SERGEF: variants seen among roughly 807,000 people sequenced by gnomAD.
The protein encoded by SERGEF is secretion-regulating guanine nucleotide exchange factor.
A neutral mutation model predicts 50.0 loss-of-function variants in SERGEF; 51 were observed. The observed-to-expected ratio is 1.02, with a 90% CI of 0.81 to 1.29. The LOEUF is 1.29. SERGEF is among the 50% of genes most tolerant of loss of function. The probability of loss-of-function intolerance (pLI) is 0.00; values close to 1 mark genes in which losing one functional copy is unlikely to be tolerated. For synonymous variants in SERGEF, 205 were observed against 212.4 expected, an observed-to-expected ratio of 0.97 and a Z score of 0.30; for missense variants, 521 against 557.0, an observed-to-expected ratio of 0.94 and a Z score of 0.65.
intron 8 of SERGEF, among the ~76,000 whole-genome samples, chr11:17,983,773 C>T (rs1208837438): frequency 6.8e-6 from 1 of 146,320 alleles, no homozygotes; most frequent in African/African-American, 2.5e-5. Context: ...AATGACTAGT[C>T]AGCAATGTCA....
chr11:17,911,377 T>A (rs1482778967), intron 9 of SERGEF, among the ~76,000 whole-genome samples: 2 of 147,340 alleles, frequency 1.4e-5, no homozygotes, highest in African/African-American at 4.9e-5. Flanking sequence ...AAAATATATA[T>A]AAAATATATA....
intron 9 of SERGEF, among the ~76,000 whole-genome samples, chr11:17,943,912 T>G (rs1236112798): frequency 6.6e-6 from 1 of 152,046 alleles, no homozygotes; most frequent in Non-Finnish European, 1.5e-5. Context: ...TCCCCTTCCC[T>G]CTATTTGTTT....
intron 8 of SERGEF, among the ~76,000 whole-genome samples, chr11:17,968,588 T>C (rs1486583923): frequency 6.6e-6 from 1 of 151,924 alleles, no homozygotes; most frequent in Non-Finnish European, 1.5e-5. Context: ...CCTGTAGTCC[T>C]AGCTATTCCA....
At chr11:17,867,348 C>A in intron 10 of SERGEF, among the ~76,000 whole-genome samples, 1 of 152,240 alleles carries the variant, frequency 6.6e-6, no homozygotes, top group Non-Finnish European at 1.5e-5. Flanking sequence ...AGTCCAAAAT[C>A]CAGTAGCGTA....
chr11:17,915,436 T>C (rs1280516753), intron 9 of SERGEF, among the ~76,000 whole-genome samples: 1 of 152,164 alleles, frequency 6.6e-6, no homozygotes, highest in East Asian at 1.9e-4. Context: ...TGGCCCAAGG[T>C]CACAGAAGAA....
intron 10 of SERGEF, among the ~76,000 whole-genome samples, chr11:17,832,686 T>C (rs1008752967): frequency 6.6e-6 from 1 of 152,158 alleles, no homozygotes; most frequent in African/African-American, 2.4e-5. Flanking sequence ...ATGCTGATAA[T>C]GATATGGACA....
intron 10 of SERGEF, among the ~76,000 whole-genome samples, chr11:17,870,087 G>C (rs1228810193): frequency 6.6e-6 from 1 of 152,094 alleles, no homozygotes; most frequent in Admixed American, 6.5e-5. Context: ...TTTATAAGGG[G>C]CTCTTCCCCA....
At position 17,959,535 on chromosome 11, in the gene SERGEF, G is replaced by T. The variant is rs1440398547; in HGVS notation, c.946C>A (p.Leu316Ile). 1 of 1,613,892 alleles carries T rather than the reference G, an allele frequency of 6.2e-7. No homozygotes were observed. The highest frequency in any genetic ancestry group is 2.2e-5 in the East Asian group (1 of 44,888). The change falls in exon 9 of 11, where the codon CTC becomes ATC. Residue 316 changes from leucine to isoleucine, a missense_variant. Transcript: ENST00000265965. ...GWKLEKQDSFLPCSRPPNSMP... is the reference protein window; with the variant it reads ...GWKLEKQDSFIPCSRPPNSMP... The stretch of plus-strand genomic sequence containing the variant: ...CTGTTCGGTGGTCTTGAACAGGGGA[G>T]AAATGAATCTTGCTTTTCTAGTTTC...
At chr11:17,950,034 G>C (rs950955489) in intron 9 of SERGEF, among the ~76,000 whole-genome samples, 1 of 152,208 alleles carries the variant, frequency 6.6e-6, no homozygotes, top group Non-Finnish European at 1.5e-5. Flanking sequence ...GCAGAATACA[G>C]GGAGAGACTG....
chr11:17,861,931 T>A (rs893226439), intron 10 of SERGEF, among the ~76,000 whole-genome samples: 3 of 152,260 alleles, frequency 2.0e-5, no homozygotes, highest in Admixed American at 2.0e-4. Flanking sequence ...CCTCCCAGGT[T>A]TCTCTGTTGA....
intron 10 of SERGEF, among the ~76,000 whole-genome samples, chr11:17,848,314 T>C (rs928505366): frequency 3.7e-4 from 56 of 152,192 alleles, no homozygotes; most frequent in Admixed American, 1.2e-3. Context: ...GAAGAGCAGA[T>C]ATTCATGGCG....
intron 8 of SERGEF, among the ~76,000 whole-genome samples, chr11:17,975,233 T>C (rs1853345421): frequency 6.6e-6 from 1 of 152,222 alleles, no homozygotes; most frequent in Non-Finnish European, 1.5e-5. Context: ...TCTCTTCGGT[T>C]TCCTCATGTG....
At chr11:17,824,588 T>G (rs918671457) in intron 10 of SERGEF, among the ~76,000 whole-genome samples, 1 of 152,182 alleles carries the variant, frequency 6.6e-6, no homozygotes, top group African/African-American at 2.4e-5. Flanking sequence ...ATTAATTTTC[T>G]CACAGTTCTA....
intron 9 of SERGEF, 149 bp from the exon 10 acceptor site, chr11:17,878,393 T>G: frequency 1.6e-6 from 1 of 611,922 alleles, no homozygotes; most frequent in Non-Finnish European, 2.9e-6. Context: ...AAAGTTAAGA[T>G]TATAATTACA....
chr11:17,900,878 A>G (rs1851737098), intron 9 of SERGEF, among the ~76,000 whole-genome samples: 1 of 152,220 alleles, frequency 6.6e-6, no homozygotes, highest in African/African-American at 2.4e-5. Context: ...AAAGGAGCCA[A>G]AAGTTTGCTT....
intron 10 of SERGEF, among the ~76,000 whole-genome samples, chr11:17,823,602 G>A (rs905611627): frequency 1.8e-4 from 28 of 152,154 alleles, no homozygotes; most frequent in Non-Finnish European, 2.2e-4. Context: ...AAGAGAAGGC[G>A]GGGAGGGTGG....
chr11:17,885,922 C>T (rs115029409), intron 9 of SERGEF, among the ~76,000 whole-genome samples: 2,894 of 152,304 alleles, frequency 0.019, 111 homozygotes, highest in African/African-American at 0.066. Context: ...ATTCTCACCA[C>T]TTGCCTTGGC....
At position 17,884,265 on chromosome 11, in the gene SERGEF, G is replaced by A. The variant is rs117449214; in HGVS notation, c.1012-6021C>T. On this transcript the variant is annotated intron_variant, in intron 9 of 10. Coordinates refer to ENST00000265965, the MANE Select transcript of SERGEF (RefSeq NM_012139.4). This position sits in a 1 kb window ranked among gnomAD's most constrained non-coding sequence, Gnocchi z 4.6. ...GGAGTAACGGGGTTTAGGTTGGTACGGTACTGGGTTATGCTCTGTGCCGCA... is the reference window on the plus strand; with the variant it reads ...GGAGTAACGGGGTTTAGGTTGGTACAGTACTGGGTTATGCTCTGTGCCGCA... 1.3e-5 allele frequency among the ~76,000 whole-genome samples: 2 copies of A among 152,344 alleles called. No homozygotes were observed. Among genetic ancestry groups the A allele is most frequent in the East Asian group, 3.9e-4 (2 of 5,182 alleles).
chr11:17,976,741 G>A (rs1390011076), intron 8 of SERGEF, among the ~76,000 whole-genome samples: 3 of 152,184 alleles, frequency 2.0e-5, no homozygotes, highest in African/African-American at 7.2e-5. Flanking sequence ...AGAGCTCCTG[G>A]AACAAATCAA....
Sources: allele counts gnomAD v4.1 joint callset (sites outside exome capture counted in the v4.1 genomes callset), GRCh38; gene constraint gnomAD v4.1.1; non-coding constraint Gnocchi (gnomAD v3.1); transcripts MANE v1.5; gene names NCBI Gene and HGNC (gene_info 2026-07-23, HGNC 2026-07-21).